The following NBPF15 variants were observed in gnomAD, a reference collection of about 807,000 sequenced individuals.
NBPF15 encodes NBPF family member NBPF15.
Under a neutral mutation model 62.2 loss-of-function variants are expected in NBPF15, and 74 were observed. The observed-to-expected ratio is 1.19, with a 90% CI of 0.99 to 1.44. The LOEUF is 1.44. NBPF15 is among the 40% of genes most tolerant of loss of function. NBPF15 has a pLI of 0.00. For synonymous variants in NBPF15, 244 were observed against 209.7 expected (o/e 1.16, Z -1.41); for missense variants, 790 against 550.0 (o/e 1.44, Z -4.36).
At chr1:144,434,843 G>A (rs587760337) in intron 12 of NBPF15, among the ~76,000 whole-genome samples, 13 of 152,104 alleles carry the variant, frequency 8.5e-5, no homozygotes, top group African/African-American at 1.7e-4. Context: ...ATCGAAGCTA[G>A]GAGGCCTGAC....
rs782544986 is a variant in NBPF15, at chr1:144,423,231, C to G, written c.1795G>C (p.Glu599Gln). ...PRLYGVLMEV[E>Q]EPEVLQDSLD... ...GAGTCCTGTAAGACTTCAGGCTCTT[C>G]CACTTCCATCAGCACGCCGTAGAGC... The change falls in exon 22 of 22, where the codon GAA becomes CAA. Residue 599 changes from glutamate to glutamine, a missense_variant. By Grantham distance (29) the Glu-to-Gln change is conservative. Coordinates refer to ENST00000581897, the MANE Select transcript of NBPF15 (RefSeq NM_001385408.1). 5.6e-6 allele frequency: 9 copies of G among 1,611,574 alleles called. No individual in the cohort carries two copies. The highest frequency in any genetic ancestry group is 3.3e-5 in the Admixed American group (2 of 59,976).
At chr1:144,445,853 CTTTTT>C (rs1229682742) in intron 6 of NBPF15, among the ~76,000 whole-genome samples, 6 of 105,410 alleles carry the variant, frequency 5.7e-5, no homozygotes, top group Non-Finnish European at 1.2e-4. Flanking sequence ...GTTGACTTTC[CTTTTT>C]TTTTTTTTTT....
At chr1:144,425,130 C>G (rs201026215) in intron 19 of NBPF15, among the ~76,000 whole-genome samples, 2 of 131,342 alleles carry the variant, frequency 1.5e-5, no homozygotes, top group South Asian at 2.7e-4. Flanking sequence ...AGAGAGAGAA[C>G]GAGCTCAGTG....
intron 3 of NBPF15, among the ~76,000 whole-genome samples, chr1:144,457,398 C>T (rs1312415698): frequency 6.6e-6 from 1 of 151,874 alleles, no homozygotes; most frequent in African/African-American, 2.4e-5. Context: ...GTAACAAAAG[C>T]CCCAAAATCT....
intron 17 of NBPF15, 111 bp downstream of exon 17, chr1:144,426,936 G>A: frequency 4.9e-6 from 3 of 607,986 alleles, no homozygotes; most frequent in Admixed American, 2.8e-5. Flanking sequence ...GTCAGGAGGA[G>A]TAATTCAACC....
intron 6 of NBPF15, among the ~76,000 whole-genome samples, chr1:144,448,227 C>T (rs1337880323): frequency 6.6e-6 from 1 of 152,184 alleles, no homozygotes; most frequent in Middle Eastern, 3.4e-3. Flanking sequence ...ACTGAATTAC[C>T]TCCAAATGTT....
intron 3 of NBPF15, among the ~76,000 whole-genome samples, chr1:144,459,005 A>C (rs1292159586): frequency 6.6e-6 from 1 of 151,222 alleles, no homozygotes; most frequent in Non-Finnish European, 1.5e-5. Flanking sequence ...CTGCCACGGC[A>C]CTCTAGCCTG....
At chr1:144,441,358 C>T (rs1400178057) in intron 6 of NBPF15, among the ~76,000 whole-genome samples, 5 of 151,972 alleles carry the variant, frequency 3.3e-5, no homozygotes, top group Non-Finnish European at 7.4e-5. Context: ...TTTTAAACTA[C>T]ACCAGGTGTG....
At chr1:144,453,307 G>T (rs1204878965) in intron 4 of NBPF15, among the ~76,000 whole-genome samples, 1 of 151,686 alleles carries the variant, frequency 6.6e-6, no homozygotes, top group Non-Finnish European at 1.5e-5. Context: ...ATAAATCCAG[G>T]TATGCATGTT....
In NBPF15 at chr1:144,423,140, C is replaced by T. The variant is rs782505072; in HGVS notation, c.1886G>A (p.Arg629Lys). 2.4e-5 allele frequency: 39 copies of T among 1,611,468 alleles called. 1 individual carries two copies. The highest frequency in any genetic ancestry group is 3.0e-5 in the Non-Finnish European group (35 of 1,179,612). The change falls in exon 22 of 22, where the codon AGA (arginine) becomes AAA (lysine). Residue 629 changes from arginine (R) to lysine (K), a missense_variant. Arg to Lys is a conservative substitution (Grantham distance 26, BLOSUM62 2). Transcript: ENST00000581897. ...TTCCTCAAATGAGTAAAACACACTT[C>T]TGTAGTGCTGGAATGAGTCAGGTTG... is the stretch of plus-strand genomic sequence containing the variant. ...FEQPDSFQHY[R>K]SVFYSFEEEH... is the part of the protein sequence containing the mutation.
rs781880977 is a variant in NBPF15, at chr1:144,426,332, T to A, written c.1384A>T (p.Ser462Cys). Residue 462 changes from serine (S) to cysteine (C), a missense_variant, in exon 18 of 22, where the codon AGT becomes TGT. Ser to Cys is a moderately radical substitution (Grantham distance 112, BLOSUM62 -1). Coordinates refer to ENST00000581897, the MANE Select transcript of NBPF15 (RefSeq NM_001385408.1). ...TGTTCCTCCAATGAGTAAACAGCAC[T>A]GCTGTAGGGCTGGCCTAAGTCAGGC... ...ELPDLGQPYSSAVYSLEEQYL... is the reference protein window; with the variant it reads ...ELPDLGQPYSCAVYSLEEQYL... The A allele has an allele frequency of 1.3e-6, 1 of 777,094 alleles. No homozygotes were observed. Among genetic ancestry groups the A allele is most frequent in the Non-Finnish European group, 2.4e-6 (1 of 422,880 alleles). 48.1% of individuals were successfully genotyped at this position (777,094 alleles called of 1,614,324 possible).
rs782391341 is a variant in NBPF15, at chr1:144,423,461, GAGAGAC to G, written c.1770-211_1770-206del. Among the ~76,000 whole-genome samples, 178 of 151,884 alleles carry G rather than the reference GAGAGAC, an allele frequency of 1.2e-3. 2 individuals are homozygous for G. In the South Asian group the frequency reaches 0.013, roughly 11 times the overall value. On this transcript the variant is annotated intron_variant, in intron 21 of 21. Coordinates refer to ENST00000581897, the MANE Select transcript of NBPF15 (RefSeq NM_001385408.1). ...ACAATGAAAGAGAAAGACAGAGAGA[GAGAGAC>G]AGAGACAGAGACAGAGAGAAAGTGA...
intron 6 of NBPF15, among the ~76,000 whole-genome samples, chr1:144,446,218 T>C (rs1480165222): frequency 6.6e-6 from 1 of 151,156 alleles, no homozygotes; most frequent in Non-Finnish European, 1.5e-5. Context: ...GTATTCTTAT[T>C]TCATTTTCCA....
At chr1:144,426,594 T>C (rs1176066183) in intron 17 of NBPF15, 144 bp from the exon 18 acceptor site, 4 of 707,312 alleles carry the variant, frequency 5.7e-6, no homozygotes, top group Middle Eastern at 3.7e-4. Context: ...ATTGCCTTTA[T>C]GTTGGGATAG....
chr1:144,458,034 C>T (rs1553547514), intron 3 of NBPF15, among the ~76,000 whole-genome samples: 4 of 151,572 alleles, frequency 2.6e-5, no homozygotes, highest in Non-Finnish European at 4.4e-5. Flanking sequence ...CTGCAGAGAC[C>T]CATGATCATA....
At position 144,425,536 on chromosome 1, in the gene NBPF15, G is replaced by C; in HGVS notation, c.1471C>G (p.Gln491Glu). ...IKKDQEEEED[Q>E]GPPCPRLSRE... ...AGTTACCTGGGGCATGGTGGGCCTT[G>C]GTCTTCTTCCTCTTCTTGGTCCTTT... Residue 491 changes from glutamine (Q) to glutamate (E), a missense_variant, in exon 19 of 22, where the codon CAA (glutamine) becomes GAA (glutamate). Physicochemically the swap from Gln to Glu is conservative, Grantham distance 29 (BLOSUM62 2). Transcript: ENST00000581897. The C allele has an allele frequency of 2.1e-6, 1 of 474,344 alleles. No homozygotes were observed. The highest frequency in any genetic ancestry group is 1.9e-5 in the South Asian group (1 of 52,668). 29.4% of individuals were successfully genotyped at this position (474,344 alleles called of 1,614,324 possible).
chr1:144,445,578 T>A (rs1686921474), intron 6 of NBPF15, among the ~76,000 whole-genome samples: 1 of 150,282 alleles, frequency 6.7e-6, no homozygotes, highest in South Asian at 2.1e-4. Context: ...ATTATTCTTT[T>A]ATAATATTGC....
Position 144,435,220 on chromosome 1 carries a change from G to A in NBPF15, c.663C>T (p.Asn221=), listed in dbSNP as rs1553540838. The A allele has an allele frequency of 1.2e-6, 2 of 1,612,936 alleles. No homozygotes were observed. The highest frequency in any genetic ancestry group is 1.7e-5 in the Admixed American group (1 of 59,968). Residue 221 remains asparagine, a synonymous_variant, in exon 12 of 22, where the codon AAC becomes AAT. Coordinates refer to ENST00000581897, the MANE Select transcript of NBPF15 (RefSeq NM_001385408.1). ...CSNSHGPYDS[N]QPHKKTKITF... is the part of the protein sequence containing the mutation. The stretch of plus-strand genomic sequence containing the variant: ...TGATTTTGGTTTTCTTATGTGGCTG[G>A]TTGGAGTCATAAGGGCCATGGCTAT...
intron 4 of NBPF15, among the ~76,000 whole-genome samples, chr1:144,452,534 G>T (rs1220477592): frequency 1.3e-5 from 2 of 151,360 alleles, no homozygotes; most frequent in Non-Finnish European, 2.9e-5. Context: ...CTACAAACAG[G>T]TTCAAGGGAA....
Sources: allele counts gnomAD v4.1 joint callset (sites outside exome capture counted in the v4.1 genomes callset), GRCh38; gene constraint gnomAD v4.1.1; transcripts MANE v1.5; gene names NCBI Gene and HGNC (gene_info 2026-07-23, HGNC 2026-07-21).